The following HACD1 variants were observed in gnomAD, a reference collection of about 807,000 sequenced individuals.
The protein encoded by HACD1 is 3-hydroxyacyl-CoA dehydratase 1.
In HACD1, 41 loss-of-function variants were observed where a neutral mutation model predicts 32.0. The observed-to-expected ratio is 1.28, with a 90% CI of 1.00 to 1.66. The LOEUF (loss-of-function observed/expected upper bound fraction) is 1.66, where lower values mean the gene tolerates loss of function less well. Among genes scored for constraint, HACD1 ranks in the 40% most tolerant of loss-of-function variants. The probability of loss-of-function intolerance (pLI) is 0.00; values close to 1 mark genes in which losing one functional copy is unlikely to be tolerated. For missense variants in HACD1, 396 were observed against 380.1 expected, an observed-to-expected ratio of 1.04 and a Z score of -0.35; for synonymous variants, 142 against 139.0, an observed-to-expected ratio of 1.02 and a Z score of -0.15.
At chr10:17,601,239 G>T (rs1316646321) in intron 4 of HACD1, among the ~76,000 whole-genome samples, 1 of 151,968 alleles carries the variant, frequency 6.6e-6, no homozygotes, top group Non-Finnish European at 1.5e-5. Flanking sequence ...TCACCATGTT[G>T]GCCAGGCTGG....
chr10:17,593,432 C>T (rs1349936042), intron 6 of HACD1, among the ~76,000 whole-genome samples: 2 of 152,114 alleles, frequency 1.3e-5, no homozygotes, highest in African/African-American at 4.8e-5. Flanking sequence ...TCTCCTGCCT[C>T]AGCCTCCTGA....
intron 5 of HACD1, 90 bp downstream of exon 5, chr10:17,599,200 G>T (rs782132524): frequency 8.2e-5 from 126 of 1,543,212 alleles, no homozygotes; most frequent in Admixed American, 5.6e-4. Flanking sequence ...GGCATCGTGG[G>T]GCTGAAACAC....
rs1554815804 is a variant in HACD1, at chr10:17,594,185, A to G, written c.784+20T>C. On this transcript the variant is annotated intron_variant, in intron 6 of 6. Coordinates refer to ENST00000361271, the MANE Select transcript of HACD1 (RefSeq NM_014241.4). ...TCCACATCATATGTCAAATCAAAGT[A>G]CTAATAAGTATATACTTACAAGGTA... 21 of 1,384,036 alleles carry G rather than the reference A, an allele frequency of 1.5e-5. No individual in the cohort carries two copies. The highest frequency in any genetic ancestry group is 2.6e-5 in the Admixed American group (1 of 38,878). 85.7% of individuals were successfully genotyped at this position (1,384,036 alleles called of 1,614,324 possible).
At chr10:17,591,846 C>CTAAAT (rs565866254) in intron 6 of HACD1, among the ~76,000 whole-genome samples, 80 of 102,604 alleles carry the variant, frequency 7.8e-4, no homozygotes, top group African/African-American at 2.2e-3. Context: ...ACCTAGGGGG[C>CTAAAT]TAAATTTACT....
intron 1 of HACD1, among the ~76,000 whole-genome samples, chr10:17,612,797 C>G (rs1263522859): frequency 5.9e-5 from 9 of 151,790 alleles, no homozygotes; most frequent in Non-Finnish European, 1.2e-4. Flanking sequence ...TGGCGGGCGC[C>G]AGTAGTCCCA....
At chr10:17,601,848 A>C (rs1422301647) in intron 4 of HACD1, among the ~76,000 whole-genome samples, 1 of 152,068 alleles carries the variant, frequency 6.6e-6, no homozygotes, top group African/African-American at 2.4e-5. Context: ...AGAGGGATAA[A>C]GTATAAAGAG....
rs115522087 is a variant in HACD1, at chr10:17,595,222, G to T, written c.606-839C>A. Among the ~76,000 whole-genome samples, 224 of 152,254 alleles carry T rather than the reference G, an allele frequency of 1.5e-3. 1 individual carries two copies. The highest frequency in any genetic ancestry group is 4.4e-3 in the African/African-American group (182 of 41,550). ...TTGGTGCATAAAATCACAAATGACT[G>T]CTTTTGTCCGCGGCAGCTAGTAATT... is the stretch of plus-strand genomic sequence containing the variant. On this transcript the variant is annotated intron_variant, in intron 5 of 6. Transcript: ENST00000361271.
chr10:17,591,157 C>T (rs1833923047), intron 6 of HACD1, among the ~76,000 whole-genome samples: 1 of 152,168 alleles, frequency 6.6e-6, no homozygotes, highest in Non-Finnish European at 1.5e-5. Flanking sequence ...GTATCCTGTA[C>T]TGCAAGGGGT....
chr10:17,604,315 C>A (rs555925560), intron 1 of HACD1, among the ~76,000 whole-genome samples: 39 of 152,070 alleles, frequency 2.6e-4, no homozygotes, highest in African/African-American at 8.9e-4. Context: ...GAAACCCCGT[C>A]TCTACTAAAA....
At chr10:17,604,080 C>CGAAA in intron 1 of HACD1, 33 bp from the exon 2 acceptor site, 2 of 1,377,512 alleles carry the variant, frequency 1.5e-6, no homozygotes, top group Non-Finnish European at 2.0e-6. Context: ...AAAGTTCTTT[C>CGAAA]GAACTTAATA....
rs1554815813 is a variant in HACD1 at position 17,594,233 on chromosome 10, A to C, written c.756T>G (p.Leu252=). The C allele has an allele frequency of 6.3e-7, 1 of 1,579,998 alleles. No homozygotes were observed. Among genetic ancestry groups the C allele is most frequent in the Admixed American group, 1.9e-5 (1 of 53,344 alleles). ...GTATATATGATGCCATGGTTATAAG[A>C]AGAAAATAATAGTAGTCAAAAGAGA... The part of the protein sequence containing the change: ...YNVSFDYYYF[L]LITMASYIPL... The change falls in exon 6 of 7, where the codon CTT becomes CTG. Residue 252 remains leucine, a synonymous_variant. Coordinates refer to ENST00000361271, the MANE Select transcript of HACD1 (RefSeq NM_014241.4).
intron 1 of HACD1, among the ~76,000 whole-genome samples, chr10:17,608,199 G>GT (rs570376861): frequency 1.3e-4 from 20 of 151,614 alleles, no homozygotes; most frequent in South Asian, 1.0e-3. Context: ...CTGTTGTGGG[G>GT]TTTTTTTTAG....
At chr10:17,609,752 G>A (rs782330341) in intron 1 of HACD1, among the ~76,000 whole-genome samples, 1 of 151,956 alleles carries the variant, frequency 6.6e-6, no homozygotes, top group Non-Finnish European at 1.5e-5. Flanking sequence ...AGGCCAAGGC[G>A]GTTGGATCAT....
At chr10:17,613,167 C>A (rs1833018748) in intron 1 of HACD1, among the ~76,000 whole-genome samples, 2 of 148,926 alleles carry the variant, frequency 1.3e-5, no homozygotes, top group South Asian at 4.3e-4. Context: ...GAGATGGGGT[C>A]TCGCTTTGCT....
chr10:17,596,125 A>C (rs1193701927), intron 5 of HACD1, among the ~76,000 whole-genome samples: 2 of 152,254 alleles, frequency 1.3e-5, no homozygotes, highest in Non-Finnish European at 2.9e-5. Context: ...TCTATAAAGA[A>C]AAGTCAAAGT....
At chr10:17,602,561 G>T (rs1180934650) in intron 4 of HACD1, among the ~76,000 whole-genome samples, 1 of 152,062 alleles carries the variant, frequency 6.6e-6, no homozygotes, top group Non-Finnish European at 1.5e-5. Flanking sequence ...AATTTAAATT[G>T]CATATATTTA....
chr10:17,591,577 TGAA>T (rs782645012), intron 6 of HACD1, among the ~76,000 whole-genome samples: 1 of 152,238 alleles, frequency 6.6e-6, no homozygotes, highest in Non-Finnish European at 1.5e-5. Context: ...CAGTCAAATT[TGAA>T]GAATATTTTG....
At chr10:17,615,858 T>C (rs1488503180) in intron 1 of HACD1, 1 of 428,990 alleles carries the variant, frequency 2.3e-6, no homozygotes. Context: ...TCCCAGCTAC[T>C]CCGGAGGCCG....
chr10:17,594,510 T>TTATG, intron 5 of HACD1, 127 bp from the exon 6 acceptor site: 1 of 688,290 alleles, frequency 1.5e-6, no homozygotes, highest in Non-Finnish European at 2.1e-6. Flanking sequence ...TACAATAACC[T>TTATG]TACGTAAGGT....
Sources: allele counts gnomAD v4.1 joint callset (sites outside exome capture counted in the v4.1 genomes callset), GRCh38; gene constraint gnomAD v4.1.1; transcripts MANE v1.5; gene names NCBI Gene and HGNC (gene_info 2026-07-23, HGNC 2026-07-21).